The following CDK5RAP2 variants were observed in gnomAD, a reference collection of about 807,000 sequenced individuals.
The protein encoded by CDK5RAP2 is CDK5 regulatory subunit-associated protein 2.
A neutral mutation model predicts 232.9 loss-of-function variants in CDK5RAP2; 147 were observed. The ratio of observed to expected loss-of-function variants is 0.63; its 90% CI spans 0.55 to 0.72. The LOEUF (loss-of-function observed/expected upper bound fraction) is 0.72, where lower values mean the gene tolerates loss of function less well. CDK5RAP2 is among the 30% of genes least tolerant of loss of function. The pLI is 0.00. For missense variants in CDK5RAP2, 2,195 were observed against 2,231.5 expected (o/e 0.98, Z 0.33); for synonymous variants, 833 against 833.7 (o/e 1.00, Z 0.01).
chr9:120,541,982 AC>A (rs1364586125), intron 5 of CDK5RAP2, among the ~76,000 whole-genome samples: 2 of 152,072 alleles, frequency 1.3e-5, no homozygotes, highest in African/African-American at 4.8e-5. Flanking sequence ...CAGCCTCACT[AC>A]CCTTTTTAAT....
At chr9:120,393,540 G>A (rs968462388) in intron 36 of CDK5RAP2, among the ~76,000 whole-genome samples, 1 of 152,248 alleles carries the variant, frequency 6.6e-6, no homozygotes, top group African/African-American at 2.4e-5. Flanking sequence ...CAGAGAAAAA[G>A]TGCTGCAGTC....
At chr9:120,512,899 T>C (rs1361236093) in intron 12 of CDK5RAP2, among the ~76,000 whole-genome samples, 4 of 152,236 alleles carry the variant, frequency 2.6e-5, no homozygotes, top group Non-Finnish European at 5.9e-5. Flanking sequence ...GGATCATACC[T>C]GCTTTATTTC....
chr9:120,570,847 C>G (rs2042828253), intron 2 of CDK5RAP2, among the ~76,000 whole-genome samples: 1 of 151,370 alleles, frequency 6.6e-6, no homozygotes, highest in East Asian at 2.0e-4. Flanking sequence ...TCAAATCAGA[C>G]TTGTTGGATT....
chr9:120,530,848 G>A (rs1303217836), intron 7 of CDK5RAP2, among the ~76,000 whole-genome samples: 1 of 116,194 alleles, frequency 8.6e-6, no homozygotes, highest in African/African-American at 3.3e-5. Flanking sequence ...CACACACCAG[G>A]GCCTGTTGTG....
Position 120,437,318 on chromosome 9 carries a change from T to A in CDK5RAP2, c.3932A>T (p.Lys1311Ile), listed in dbSNP as rs1292857132. ...QLNQCAELLE[K>I]LEKLFLNGKS... ...ACCGTTGAGAAATAGCTTTTCCAAT[T>A]TCTCCAGCAGCTCAGCACATTGATT... Residue 1311 changes from lysine to isoleucine, a missense_variant, in exon 25 of 38, where the codon AAA (lysine) becomes ATA (isoleucine). Transcript: ENST00000349780. 6.2e-7 allele frequency: 1 copy of A among 1,613,694 alleles called. No homozygotes were observed. The highest frequency in any genetic ancestry group is 8.5e-7 in the Non-Finnish European group (1 of 1,179,774).
Position 120,453,526 on chromosome 9 carries a change from C to T in CDK5RAP2, c.2723G>A (p.Arg908Gln), listed in dbSNP as rs1056627637. 21 of 1,613,926 alleles carry T rather than the reference C, an allele frequency of 1.3e-5. No homozygotes were observed. The highest frequency in any genetic ancestry group is 5.0e-5 in the Admixed American group (3 of 60,006). The change falls in exon 21 of 38, where the codon CGG (arginine) becomes CAG (glutamine). Residue 908 changes from arginine (R) to glutamine (Q), a missense_variant. Arg to Gln is a conservative substitution (Grantham distance 43, BLOSUM62 1). Transcript: ENST00000349780. ...PINTALSAEH[R>Q]PENLHGVPGW... ...AGGCACCCCGTGCAGGTTCTCTGGC[C>T]GATGCTCTGCGCTGAGTGCAGTGTT...
At chr9:120,416,187 C>T (rs996849688) in intron 27 of CDK5RAP2, among the ~76,000 whole-genome samples, 3 of 152,170 alleles carry the variant, frequency 2.0e-5, no homozygotes, top group African/African-American at 4.8e-5. Flanking sequence ...CTGAAGATAG[C>T]GTTAGATCCA....
At chr9:120,441,532 G>C (rs901962596) in intron 23 of CDK5RAP2, among the ~76,000 whole-genome samples, 1 of 152,216 alleles carries the variant, frequency 6.6e-6, no homozygotes, top group African/African-American at 2.4e-5. Flanking sequence ...TTCACCGGAG[G>C]CGTGCGTGCG....
At chr9:120,546,075 A>G (rs1046768205) in intron 4 of CDK5RAP2, among the ~76,000 whole-genome samples, 2 of 152,244 alleles carry the variant, frequency 1.3e-5, no homozygotes, top group African/African-American at 4.8e-5. Flanking sequence ...CATAAATGTC[A>G]TACAAGGAAG....
chr9:120,413,407 A>G (rs183760202), intron 28 of CDK5RAP2, among the ~76,000 whole-genome samples: 1 of 152,360 alleles, frequency 6.6e-6, no homozygotes, highest in African/African-American at 2.4e-5. Context: ...CTGCTCCCCA[A>G]GGTAAACATT....
chr9:120,444,855 G>A (rs2036093622), intron 22 of CDK5RAP2, among the ~76,000 whole-genome samples: 1 of 152,186 alleles, frequency 6.6e-6, no homozygotes, highest in Non-Finnish European at 1.5e-5. Flanking sequence ...TTAACTATAA[G>A]ATGGTAGTAA....
intron 36 of CDK5RAP2, 178 bp from the exon 37 acceptor site, chr9:120,389,965 C>A (rs1209407906): frequency 1.2e-5 from 8 of 648,940 alleles, no homozygotes; most frequent in South Asian, 3.3e-5. Context: ...CCATCACAAA[C>A]CCCAGGGCCA....
At chr9:120,464,872 T>C (rs558694277) in intron 18 of CDK5RAP2, among the ~76,000 whole-genome samples, 12 of 152,214 alleles carry the variant, frequency 7.9e-5, no homozygotes, top group Non-Finnish European at 1.5e-4. Context: ...TGAAGTCAAA[T>C]TGTTAGAAAG....
Position 120,415,118 on chromosome 9 carries a change from T to C in CDK5RAP2, c.4219A>G (p.Lys1407Glu), listed in dbSNP as rs1417687500. 6.2e-7 allele frequency: 1 copy of C among 1,614,154 alleles called. No homozygotes were observed. Among genetic ancestry groups the C allele is most frequent in the Non-Finnish European group, 8.5e-7 (1 of 1,179,968 alleles). ...EHIQEIRTLR[K>E]RLEESIKTNE... ...GTTTTAATAGATTCTTCTAAACGCT[T>C]TCTCAAAGTTCGAATTTCCTGTATG... Residue 1407 changes from lysine to glutamate, a missense_variant, in exon 28 of 38, where the codon AAG (lysine) becomes GAG (glutamate). Coordinates refer to ENST00000349780, the MANE Select transcript of CDK5RAP2 (RefSeq NM_018249.6).
intron 27 of CDK5RAP2, among the ~76,000 whole-genome samples, chr9:120,418,367 G>A (rs1368082179): frequency 6.6e-6 from 1 of 152,222 alleles, no homozygotes; most frequent in Non-Finnish European, 1.5e-5. Flanking sequence ...CCAAGAGGGA[G>A]CAGAGGGAAC....
chr9:120,506,585 T>C (rs543697670), intron 12 of CDK5RAP2, among the ~76,000 whole-genome samples: 1 of 152,348 alleles, frequency 6.6e-6, no homozygotes, highest in Admixed American at 6.5e-5. Context: ...AGAACATTTG[T>C]GATTCATGAG....
At chr9:120,515,640 A>G (rs1032887803) in intron 12 of CDK5RAP2, among the ~76,000 whole-genome samples, 1 of 152,218 alleles carries the variant, frequency 6.6e-6, no homozygotes, top group African/African-American at 2.4e-5. Flanking sequence ...TTGGACAAAC[A>G]ATTTGGCAAC....
chr9:120,427,625 T>C (rs2034999039), intron 25 of CDK5RAP2, among the ~76,000 whole-genome samples: 3 of 152,152 alleles, frequency 2.0e-5, no homozygotes, highest in South Asian at 2.1e-4. Context: ...AGAATAAATT[T>C]TGCTTCCACT....
intron 7 of CDK5RAP2, among the ~76,000 whole-genome samples, chr9:120,533,273 C>T (rs1457292151): frequency 2.0e-5 from 3 of 152,152 alleles, no homozygotes; most frequent in Admixed American, 2.0e-4. Context: ...CCCAAGGCCA[C>T]ACTCAGTAGT....
Sources: allele counts gnomAD v4.1 joint callset (sites outside exome capture counted in the v4.1 genomes callset), GRCh38; gene constraint gnomAD v4.1.1; transcripts MANE v1.5; gene names NCBI Gene and HGNC (gene_info 2026-07-23, HGNC 2026-07-21).